VWA3A: variants seen among roughly 807,000 people sequenced by gnomAD.
VWA3A encodes von Willebrand factor A domain containing 3A.
Under a neutral mutation model 160.4 loss-of-function variants are expected in VWA3A, and 134 were observed. The observed-to-expected ratio is 0.84, with a 90% CI of 0.73 to 0.96. VWA3A has a LOEUF of 0.96. Ranked by LOEUF, VWA3A falls within the 40% of genes least tolerant of loss-of-function variation. The pLI, the probability that VWA3A is intolerant of heterozygous loss-of-function variation, is 0.00. For synonymous variants in VWA3A, 476 were observed against 543.4 expected, an observed-to-expected ratio of 0.88 and a Z score of 1.72; for missense variants, 1,310 against 1,447.9, an observed-to-expected ratio of 0.90 and a Z score of 1.55.
At chr16:22,097,780 C>T (rs1206554649) in intron 3 of VWA3A, 85 bp downstream of exon 3, 19 of 1,507,374 alleles carry the variant, frequency 1.3e-5, no homozygotes, top group Non-Finnish European at 1.7e-5. Flanking sequence ...GGGATTTCTT[C>T]CTTCTCATAG....
chr16:22,132,887 T>C lies in VWA3A; in HGVS notation c.1873-13T>C, dbSNP rs1467658091. 1 of 1,605,866 alleles carries C rather than the reference T, an allele frequency of 6.2e-7. No individual in the cohort carries two copies. Among genetic ancestry groups the C allele is most frequent in the Admixed American group, 1.7e-5 (1 of 59,882 alleles). On this transcript the variant is annotated splice_polypyrimidine_tract_variant and intron_variant, in intron 19 of 33. Transcript: ENST00000389398. ...TCAGCTGCTGGCCCCTCCTACCTTCTCTTCCCCACCAGCCTACACTCAGTG... is the reference window on the plus strand; with the variant it reads ...TCAGCTGCTGGCCCCTCCTACCTTCCCTTCCCCACCAGCCTACACTCAGTG...
rs1006211183 is a variant in VWA3A, at chr16:22,129,975, G to A, written c.1653-1230G>A. Among the ~76,000 whole-genome samples the A allele has an allele frequency of 3.3e-5, 5 of 152,052 alleles. No homozygotes were observed. The East Asian group carries it at 9.6e-4, about 29-fold the overall frequency. On this transcript the variant is annotated intron_variant, in intron 17 of 33. Coordinates refer to ENST00000389398, the MANE Select transcript of VWA3A (RefSeq NM_173615.5). ...GGATGAGGCATGTGGATCACTTGAG[G>A]CCAGGAGTTTGAGACCAGCCTGGCC...
chr16:22,110,972 C>T lies in VWA3A; in HGVS notation c.667C>T (p.Pro223Ser). Reference protein sequence around the residue: ...GTNAGSLWPDPMEVSASTLQE... With the variant: ...GTNAGSLWPDSMEVSASTLQE... ...CAATGCCGGGTCCCTCTGGCCAGAC[C>T]CCATGGAAGTCAGCGCCTCCACGTG... Residue 223 changes from proline to serine, a missense_variant, in exon 8 of 34, where the codon CCC becomes TCC. Pro to Ser is a moderately conservative substitution (Grantham distance 74, BLOSUM62 -1). Coordinates refer to ENST00000389398, the MANE Select transcript of VWA3A (RefSeq NM_173615.5). The T allele has an allele frequency of 6.2e-7, 1 of 1,608,980 alleles. No individual in the cohort carries two copies. Among genetic ancestry groups the T allele is most frequent in the South Asian group, 1.1e-5 (1 of 89,720 alleles).
At chr16:22,151,909 A>G (rs2046354959) in intron 30 of VWA3A, among the ~76,000 whole-genome samples, 1 of 152,172 alleles carries the variant, frequency 6.6e-6, no homozygotes, top group Non-Finnish European at 1.5e-5. Context: ...TAAATGTCCC[A>G]TAAATAAATG....
chr16:22,133,666 A>G (rs920556362), intron 20 of VWA3A, among the ~76,000 whole-genome samples: 28 of 150,470 alleles, frequency 1.9e-4, no homozygotes, highest in Non-Finnish European at 2.8e-4. Context: ...AAAAAAAAAA[A>G]AAGAAGAAGA....
intron 6 of VWA3A, among the ~76,000 whole-genome samples, chr16:22,106,142 T>C (rs1241196688): frequency 6.6e-6 from 1 of 152,072 alleles, no homozygotes; most frequent in Non-Finnish European, 1.5e-5. Context: ...CCCAGCACTT[T>C]GGGAGGCCGA....
At chr16:22,125,119 T>G (rs760405312) in intron 16 of VWA3A, among the ~76,000 whole-genome samples, 1 of 151,868 alleles carries the variant, frequency 6.6e-6, no homozygotes, top group Non-Finnish European at 1.5e-5. Flanking sequence ...GGCTCATTCC[T>G]GTATTTCCAG....
At chr16:22,116,665 G>A (rs1370555969) in intron 9 of VWA3A, 94 bp from the exon 10 acceptor site, 4 of 974,774 alleles carry the variant, frequency 4.1e-6, no homozygotes, top group African/African-American at 1.6e-5. Context: ...AGTTAAGAAT[G>A]GGTAGATGTT....
intron 11 of VWA3A, 112 bp downstream of exon 11, chr16:22,117,288 T>G (rs1244062989): frequency 1.7e-6 from 2 of 1,147,726 alleles, no homozygotes; most frequent in Non-Finnish European, 2.5e-6. Flanking sequence ...TCTCCTTTTC[T>G]CCTTGTCCCC....
chr16:22,119,019 A>G lies in VWA3A; in HGVS notation c.1108A>G (p.Met370Val). 1 of 1,611,224 alleles carries G rather than the reference A, an allele frequency of 6.2e-7. No individual in the cohort carries two copies. The highest frequency in any genetic ancestry group is 8.5e-7 in the Non-Finnish European group (1 of 1,178,636). The part of the protein sequence containing the change: ...SSPCEALTCT[M>V]EEISTEITNG... ...CCCCTGTGAGGCGCTCACCTGCACC[A>G]TGGAGGAGGTAGGTGGTGCGAGTGT... is the stretch of plus-strand genomic sequence containing the variant. The change falls in exon 12 of 34, where the codon ATG (methionine) becomes GTG (valine). Residue 370 changes from methionine (M) to valine (V), a missense_variant. Coordinates refer to ENST00000389398, the MANE Select transcript of VWA3A (RefSeq NM_173615.5).
chr16:22,123,630 T>C lies in VWA3A; in HGVS notation c.1455T>C (p.Ala485=), dbSNP rs759943329. 6.2e-7 allele frequency: 1 copy of C among 1,613,950 alleles called. No homozygotes were observed. The highest frequency in any genetic ancestry group is 8.5e-7 in the Non-Finnish European group (1 of 1,179,866). Residue 485 remains alanine (A), a synonymous_variant, in exon 16 of 34, where the codon GCT becomes GCC. Coordinates refer to ENST00000389398, the MANE Select transcript of VWA3A (RefSeq NM_173615.5). ...TTCTGCAGCAACAGCTCAGCAGAGC[T>C]ATGCGGATGTATGAGAGGCGGATTG... is the stretch of plus-strand genomic sequence containing the variant. ...LYKYQQQLSR[A]MRMYERRIEW...
chr16:22,134,304 G>T, intron 20 of VWA3A, 64 bp from the exon 21 acceptor site: 8 of 1,454,736 alleles, frequency 5.5e-6, no homozygotes, highest in Non-Finnish European at 7.5e-6. Flanking sequence ...GTATCCAGAT[G>T]ATGGGGACGC....
intron 23 of VWA3A, among the ~76,000 whole-genome samples, chr16:22,140,484 A>C (rs1315920894): frequency 6.6e-6 from 1 of 152,136 alleles, no homozygotes; most frequent in Non-Finnish European, 1.5e-5. Context: ...GCATGCCTGA[A>C]GTCCCCCAAG....
chr16:22,117,593 C>T (rs1336960193), intron 11 of VWA3A, among the ~76,000 whole-genome samples: 1 of 152,310 alleles, frequency 6.6e-6, no homozygotes, highest in Non-Finnish European at 1.5e-5. Context: ...CACTGCAGAG[C>T]GAAATGAGCA....
chr16:22,155,603 A>G lies in VWA3A; in HGVS notation c.3442A>G (p.Arg1148Gly). The change falls in exon 32 of 34, where the codon AGG becomes GGG. Residue 1148 changes from arginine to glycine, a missense_variant. By Grantham distance (125) the Arg-to-Gly change is moderately radical (BLOSUM62 -2). Transcript: ENST00000389398. ...GCCACCATTTGAAGGAGATGATTTA[A>G]GGATCCTGGCCCAGGAGATCACCAA... Reference protein sequence around the residue: ...TLPPFEGDDLRILAQEITKAR... With the variant: ...TLPPFEGDDLGILAQEITKAR... The G allele has an allele frequency of 6.2e-7, 1 of 1,613,968 alleles. No individual in the cohort carries two copies. The highest frequency in any genetic ancestry group is 1.1e-5 in the South Asian group (1 of 91,084).
At chr16:22,137,071 C>CTAAA (rs59108718) in intron 21 of VWA3A, among the ~76,000 whole-genome samples, 3,039 of 149,714 alleles carry the variant, frequency 0.02, 51 homozygotes, top group South Asian at 0.087. Flanking sequence ...GACTCTGTCT[C>CTAAA]TAAATAAATA....
chr16:22,105,157 G>T (rs1446787106), intron 6 of VWA3A, among the ~76,000 whole-genome samples: 14 of 152,048 alleles, frequency 9.2e-5, no homozygotes, highest in Non-Finnish European at 1.0e-4. Context: ...AGACCCCACG[G>T]GAATGAAATC....
Position 22,156,257 on chromosome 16 carries a change from C to G in VWA3A, c.*240C>G. 4.1e-6 allele frequency: 1 copy of G among 241,558 alleles called. No individual in the cohort carries two copies. Among genetic ancestry groups the G allele is most frequent in the Non-Finnish European group, 8.0e-6 (1 of 125,158 alleles). The allele number at this position is 241,558 out of a possible 1,614,324, so 15.0% of individuals were successfully genotyped here. A position where few individuals can be genotyped will look rare whatever the true frequency, so the allele number is the denominator to read the frequency against. ...TCTACTCTCCAGCCACTAGATTGTC[C>G]CTCTCTGGGAAGCCCTAAACCAACC... On this transcript the variant is annotated 3_prime_UTR_variant, in exon 34 of 34. Coordinates refer to ENST00000389398, the MANE Select transcript of VWA3A (RefSeq NM_173615.5).
In VWA3A at chr16:22,114,410, C is replaced by G. The variant is rs189462271; in HGVS notation, c.690-937C>G. Among the ~76,000 whole-genome samples the G allele has an allele frequency of 4.6e-3, 699 of 152,296 alleles. 4 individuals are homozygous for G. The highest frequency in any genetic ancestry group is 7.5e-3 in the Non-Finnish European group (511 of 68,022). ...TAGGGTCGCGGAATTAACTCCATGC[C>G]TCCTGTTGAGGGCTGGCTCCCAAGA... On this transcript the variant is annotated intron_variant, in intron 8 of 33. Coordinates refer to ENST00000389398, the MANE Select transcript of VWA3A (RefSeq NM_173615.5).
Sources: gnomAD v4.1 joint callset for allele counts (sites outside exome capture counted in the v4.1 genomes callset) on GRCh38, gnomAD v4.1.1 for gene constraint, MANE v1.5 for transcripts, NCBI Gene and HGNC (gene_info 2026-07-23, HGNC 2026-07-21) for gene names.